GPBP1L1: variants seen among roughly 807,000 people sequenced by gnomAD.
GPBP1L1 encodes the protein GC-rich promoter binding protein 1 like 1, also known as vasculin-like protein 1.
A neutral mutation model predicts 52.5 loss-of-function variants in GPBP1L1; 23 were observed. The ratio of observed to expected loss-of-function variants is 0.44; its 90% CI spans 0.32 to 0.62. The LOEUF (loss-of-function observed/expected upper bound fraction) is 0.62. GPBP1L1 is among the 20% of genes least tolerant of loss of function. GPBP1L1 has a pLI of 0.06. For missense variants in GPBP1L1, 596 were observed against 579.3 expected (o/e 1.03, Z -0.30); for synonymous variants, 243 against 203.1 (o/e 1.20, Z -1.67).
intron 8 of GPBP1L1, among the ~76,000 whole-genome samples, chr1:45,638,927 C>A (rs1325872255): frequency 6.6e-6 from 1 of 152,168 alleles, no homozygotes; most frequent in African/African-American, 2.4e-5. Flanking sequence ...ACTTCACAGA[C>A]CTCTGCTTAC....
intron 6 of GPBP1L1, chr1:45,651,225 C>A (rs1324170191): frequency 2.3e-6 from 1 of 432,576 alleles, no homozygotes; most frequent in East Asian, 5.9e-5. Context: ...TGAAGGCAAC[C>A]AGTGGTGCAG....
At chr1:45,629,454 T>TCCTC (rs1644499671) in intron 12 of GPBP1L1, 122 bp downstream of exon 12, 7 of 117,616 alleles carry the variant, frequency 6.0e-5, no homozygotes, top group South Asian at 1.9e-4. Flanking sequence ...ACTAAGGTAA[T>TCCTC]CCCCCCCCCC....
At chr1:45,678,603 AAAT>A (rs1645175544) in intron 2 of GPBP1L1, among the ~76,000 whole-genome samples, 1 of 152,234 alleles carries the variant, frequency 6.6e-6, no homozygotes, top group African/African-American at 2.4e-5. Flanking sequence ...AGAACAAGCT[AAAT>A]AATACCATAA....
chr1:45,632,211 T>C (rs1190009153), intron 10 of GPBP1L1, among the ~76,000 whole-genome samples: 3 of 152,208 alleles, frequency 2.0e-5, no homozygotes, highest in African/African-American at 7.2e-5. Context: ...TGTTCTGCAC[T>C]GTAGTTTCCT....
rs1030399907 is a variant in GPBP1L1 at position 45,654,846 on chromosome 1, A to G, written c.191-17T>C. 1 of 1,609,344 alleles carries G rather than the reference A, an allele frequency of 6.2e-7. No homozygotes were observed. ...GCCAAGAATCTAGAATAGTAAAGAA[A>G]AGGACTAATTAGATTGTTTGCTTCC... On this transcript the variant is annotated splice_polypyrimidine_tract_variant and intron_variant, in intron 5 of 12. Transcript: ENST00000355105.
intron 6 of GPBP1L1, chr1:45,645,951 T>C (rs1401884609): frequency 8.1e-6 from 4 of 494,694 alleles, no homozygotes; most frequent in Non-Finnish European, 1.2e-5. Context: ...GCCGTTTTTC[T>C]AGATCTTTGA....
rs3014233 is a variant in GPBP1L1 at position 45,660,505 on chromosome 1, C to G, written c.-377G>C. ...TATCTATGTTCACCTCATTCAACTT[C>G]CTTGAGTTATGGCACTATGATGTTG... is the stretch of plus-strand genomic sequence containing the variant. On this transcript the variant is annotated 5_prime_UTR_variant, in exon 3 of 13. Transcript: ENST00000355105. The G allele has an allele frequency of 1.0e-6, 1 of 983,802 alleles. No individual in the cohort carries two copies. The highest frequency in any genetic ancestry group is 1.2e-6 in the Non-Finnish European group (1 of 828,606). The allele number at this position is 983,802 out of a possible 1,614,324, so 60.9% of individuals were successfully genotyped here.
chr1:45,634,347 G>C, intron 8 of GPBP1L1, 111 bp from the exon 9 acceptor site: 4 of 1,109,466 alleles, frequency 3.6e-6, no homozygotes, highest in Non-Finnish European at 5.0e-6. Flanking sequence ...AAGTTTCCAG[G>C]GCTTACCTGT....
intron 6 of GPBP1L1, chr1:45,646,151 T>C (rs1201068069): frequency 5.2e-6 from 2 of 381,258 alleles, no homozygotes; most frequent in South Asian, 2.0e-5. Context: ...CTTTTCGGCA[T>C]TGGTGATACT....
Position 45,644,948 on chromosome 1 carries a change from CTAAGG to C in GPBP1L1, c.478-2454_478-2450del, listed in dbSNP as rs758421180. Among the ~76,000 whole-genome samples the C allele has an allele frequency of 1.8e-4, 27 of 152,238 alleles. No homozygotes were observed. In the East Asian group the frequency reaches 4.2e-3, roughly 24 times the overall value. ...GAAAAAATATGATACATGCTTGTTC[CTAAGG>C]TGAGGTAGGTATCATTGTGAATTCA... On this transcript the variant is annotated intron_variant, in intron 6 of 12. Transcript: ENST00000355105.
At chr1:45,666,230 T>A (rs1399311098) in intron 2 of GPBP1L1, among the ~76,000 whole-genome samples, 2 of 151,620 alleles carry the variant, frequency 1.3e-5, no homozygotes, top group African/African-American at 2.4e-5. Context: ...GCAACCTCCA[T>A]CCCCCAGGAG....
intron 10 of GPBP1L1, among the ~76,000 whole-genome samples, chr1:45,631,644 G>A (rs1422127386): frequency 6.6e-6 from 1 of 152,210 alleles, no homozygotes; most frequent in African/African-American, 2.4e-5. Flanking sequence ...TTAAAAGACA[G>A]TGTAGTTGCT....
At chr1:45,661,559 G>A (rs772981228) in intron 2 of GPBP1L1, among the ~76,000 whole-genome samples, 23 of 151,872 alleles carry the variant, frequency 1.5e-4, no homozygotes, top group African/African-American at 3.6e-4. Context: ...GGGTTCAAGC[G>A]ATTCTCCTGC....
intron 2 of GPBP1L1, among the ~76,000 whole-genome samples, chr1:45,673,094 C>T (rs1645093545): frequency 6.6e-6 from 1 of 152,164 alleles, no homozygotes; most frequent in Non-Finnish European, 1.5e-5. Context: ...GCAGCTGATA[C>T]AGAAAACTGC....
chr1:45,643,590 A>G (rs74072009), intron 6 of GPBP1L1, among the ~76,000 whole-genome samples: 67 of 151,720 alleles, frequency 4.4e-4, no homozygotes, highest in African/African-American at 1.5e-3. Flanking sequence ...ACTAGACTTA[A>G]TAACTAATCG....
At chr1:45,661,722 G>A (rs1644949387) in intron 2 of GPBP1L1, among the ~76,000 whole-genome samples, 1 of 152,058 alleles carries the variant, frequency 6.6e-6, no homozygotes, top group Non-Finnish European at 1.5e-5. Context: ...CAAAGTGCTG[G>A]GATTACGTGA....
chr1:45,628,687 G>A (rs954953859), intron 12 of GPBP1L1, among the ~76,000 whole-genome samples: 4 of 151,902 alleles, frequency 2.6e-5, no homozygotes, highest in African/African-American at 4.8e-5. Context: ...TTTTTGAGAC[G>A]GAATCTCGCT....
intron 10 of GPBP1L1, among the ~76,000 whole-genome samples, chr1:45,630,964 A>G (rs1644523412): frequency 6.6e-6 from 1 of 152,260 alleles, no homozygotes; most frequent in South Asian, 2.1e-4. Context: ...AGAAGATGAC[A>G]CAAATAGTCC....
intron 6 of GPBP1L1, chr1:45,651,059 T>C (rs1644813147): frequency 1.2e-5 from 6 of 496,152 alleles, no homozygotes; most frequent in South Asian, 7.3e-5. Flanking sequence ...TCTTTAGCCT[T>C]TGCCTTTTTG....
Sources: gnomAD v4.1 joint callset for allele counts (sites outside exome capture counted in the v4.1 genomes callset) on GRCh38, gnomAD v4.1.1 for gene constraint, MANE v1.5 for transcripts, NCBI Gene and HGNC (gene_info 2026-07-23, HGNC 2026-07-21) for gene names.